Variants in CHN1 observed in about 807,000 individuals in gnomAD.
The protein encoded by CHN1 is N-chimaerin.
In CHN1, 37 loss-of-function variants were observed where a neutral mutation model predicts 59.5. The observed-to-expected ratio is 0.62, with a 90% CI of 0.48 to 0.82. The LOEUF (loss-of-function observed/expected upper bound fraction) is 0.82. Ranked by LOEUF, CHN1 falls within the 40% of genes least tolerant of loss-of-function variation. The pLI, the probability that CHN1 is intolerant of heterozygous loss-of-function variation, is 0.00. For synonymous variants in CHN1, 206 were observed against 200.4 expected, an observed-to-expected ratio of 1.03 and a Z score of -0.24; for missense variants, 469 against 571.0, an observed-to-expected ratio of 0.82 and a Z score of 1.82.
chr2:174,846,376 C>T (rs770967766), intron 7 of CHN1: 16 of 1,547,290 alleles, frequency 1.0e-5, no homozygotes, highest in Non-Finnish European at 1.3e-5. Flanking sequence ...CATCAACAGT[C>T]CCATGGTAGC....
At chr2:174,820,949 AAAG>A (rs772025561) in intron 8 of CHN1, among the ~76,000 whole-genome samples, 13 of 152,210 alleles carry the variant, frequency 8.5e-5, no homozygotes, top group Non-Finnish European at 1.6e-4. Context: ...GATTTTGAAA[AAAG>A]AAGGCAGAAC....
intron 6 of CHN1, chr2:174,875,979 G>T: frequency 4.2e-6 from 1 of 238,214 alleles, no homozygotes; most frequent in Non-Finnish European, 6.8e-6. Flanking sequence ...ATTATGTACT[G>T]CCGCAGAGAG....
At chr2:174,884,432 AT>A (rs1344523376) in intron 5 of CHN1, among the ~76,000 whole-genome samples, 1 of 152,236 alleles carries the variant, frequency 6.6e-6, no homozygotes, top group African/African-American at 2.4e-5. Context: ...TAGTCCAGTA[AT>A]TGCAAATAAA....
chr2:174,951,873 T>G (rs1485581891), intron 2 of CHN1, among the ~76,000 whole-genome samples: 3 of 152,176 alleles, frequency 2.0e-5, no homozygotes, highest in Non-Finnish European at 4.4e-5. Flanking sequence ...TCTCAGTGTC[T>G]CCTTGTATTA....
At chr2:174,904,849 A>T (rs993928608) in intron 5 of CHN1, among the ~76,000 whole-genome samples, 5 of 152,170 alleles carry the variant, frequency 3.3e-5, no homozygotes, top group African/African-American at 4.8e-5. Context: ...GTTGCCAAGA[A>T]CAGAGGTTAC....
intron 3 of CHN1, among the ~76,000 whole-genome samples, chr2:174,938,671 ACAGT>A (rs1689570172): frequency 6.6e-6 from 1 of 152,214 alleles, no homozygotes; most frequent in African/African-American, 2.4e-5. Context: ...TCCTTATTAA[ACAGT>A]CAAACTTAAG....
chr2:174,883,808 T>A (rs372534751), intron 5 of CHN1, among the ~76,000 whole-genome samples: 1 of 151,380 alleles, frequency 6.6e-6, no homozygotes, highest in African/African-American at 2.4e-5. Context: ...AAAAAAGGAA[T>A]ATAGAATATA....
chr2:174,800,527 A>G (rs1684686574), intron 12 of CHN1, among the ~76,000 whole-genome samples: 1 of 152,210 alleles, frequency 6.6e-6, no homozygotes. Context: ...GCTGCACTGT[A>G]TGGATTCAGT....
Position 175,005,336 on chromosome 2 carries a change from G to A in CHN1, c.-424C>T. ...GCCCCCGGCGGGGCGCGCTCACTCCGCATCCCGCGGCCTCGCAGACGCCAT... is the reference window on the plus strand; with the variant it reads ...GCCCCCGGCGGGGCGCGCTCACTCCACATCCCGCGGCCTCGCAGACGCCAT... On this transcript the variant is annotated 5_prime_UTR_variant, in exon 1 of 13. Coordinates refer to ENST00000409900, the MANE Select transcript of CHN1 (RefSeq NM_001822.7). 1.7e-6 allele frequency: 2 copies of A among 1,158,920 alleles called. No individual in the cohort carries two copies. Among genetic ancestry groups the A allele is most frequent in the Non-Finnish European group, 2.2e-6 (2 of 923,628 alleles). The allele number at this position is 1,158,920 out of a possible 1,614,324, so 71.8% of individuals were successfully genotyped here. A position where few individuals can be genotyped will look rare whatever the true frequency, so the allele number is the denominator to read the frequency against.
At chr2:174,845,783 G>GC (rs1686487558) in intron 7 of CHN1, among the ~76,000 whole-genome samples, 1 of 23,134 alleles carries the variant, frequency 4.3e-5, no homozygotes, top group Admixed American at 8.2e-4. Flanking sequence ...CATATGGGTG[G>GC]GGGGGGGGGT....
intron 7 of CHN1, among the ~76,000 whole-genome samples, chr2:174,840,296 C>T (rs1010497062): frequency 6.7e-6 from 1 of 149,970 alleles, no homozygotes; most frequent in Non-Finnish European, 1.5e-5. Flanking sequence ...TCCTAAGTAG[C>T]TGAAACCACA....
intron 1 of CHN1, among the ~76,000 whole-genome samples, chr2:174,954,375 C>G (rs1690120919): frequency 1.3e-5 from 2 of 152,054 alleles, no homozygotes; most frequent in Admixed American, 1.3e-4. Flanking sequence ...CTTCTAGATA[C>G]TGGCTTAGGC....
At chr2:174,803,781 T>C (rs577721956) in intron 11 of CHN1, among the ~76,000 whole-genome samples, 1 of 152,304 alleles carries the variant, frequency 6.6e-6, no homozygotes, top group South Asian at 2.1e-4. Flanking sequence ...CTCAAACTCC[T>C]GGGCTCAAGC....
At chr2:174,813,320 A>T (rs1350880663) in intron 8 of CHN1, among the ~76,000 whole-genome samples, 1 of 152,214 alleles carries the variant, frequency 6.6e-6, no homozygotes, top group African/African-American at 2.4e-5. Context: ...GACGTATAGG[A>T]TGAGGTATGG....
At chr2:174,853,012 T>C (rs1203035387) in intron 6 of CHN1, among the ~76,000 whole-genome samples, 1 of 152,134 alleles carries the variant, frequency 6.6e-6, no homozygotes, top group African/African-American at 2.4e-5. Context: ...ACCTAGGAAA[T>C]ACCCTTTTTC....
intron 5 of CHN1, among the ~76,000 whole-genome samples, chr2:174,898,339 C>T (rs531106660): frequency 6.6e-6 from 1 of 151,978 alleles, no homozygotes; most frequent in South Asian, 2.1e-4. Flanking sequence ...CAGTGGCTCA[C>T]GCCTGTAATC....
intron 6 of CHN1, among the ~76,000 whole-genome samples, chr2:174,855,248 A>C (rs1686866083): frequency 6.6e-6 from 1 of 152,186 alleles, no homozygotes; most frequent in African/African-American, 2.4e-5. Flanking sequence ...TAGAATCATT[A>C]GCACAATGCT....
chr2:174,888,315 G>A (rs1160117904), intron 5 of CHN1, among the ~76,000 whole-genome samples: 2 of 152,152 alleles, frequency 1.3e-5, no homozygotes, highest in East Asian at 3.9e-4. Context: ...AGCAGAAGCT[G>A]AGCCAAAACC....
intron 5 of CHN1, among the ~76,000 whole-genome samples, chr2:174,896,640 C>G (rs1360892481): frequency 6.6e-6 from 1 of 152,100 alleles, no homozygotes; most frequent in Non-Finnish European, 1.5e-5. Context: ...TTTAGAAAGA[C>G]ACACAGACAG....
Sources: allele counts gnomAD v4.1 joint callset (sites outside exome capture counted in the v4.1 genomes callset), GRCh38; gene constraint gnomAD v4.1.1; transcripts MANE v1.5; gene names NCBI Gene and HGNC (gene_info 2026-07-23, HGNC 2026-07-21).